LSAMP: variants seen among roughly 807,000 people sequenced by gnomAD.
LSAMP encodes limbic system-associated membrane protein.
A neutral mutation model predicts 38.6 loss-of-function variants in LSAMP; 7 were observed. The observed-to-expected ratio is 0.18, with a 90% CI of 0.10 to 0.34. The LOEUF is 0.34. Among genes scored for constraint, LSAMP ranks in the 10% least tolerant of loss-of-function variants. LSAMP has a pLI of 1.00. For synonymous variants in LSAMP, 154 were observed against 166.8 expected (o/e 0.92, Z 0.59); for missense variants, 313 against 420.0 (o/e 0.75, Z 2.23).
At chr3:116,019,664 AT>A in intron 2 of LSAMP, 24 bp from the exon 3 acceptor site, 1 of 1,606,086 alleles carries the variant, frequency 6.2e-7, no homozygotes, top group Non-Finnish European at 8.5e-7. Flanking sequence ...AGGAAATGGA[AT>A]ATGTAACCAT....
chr3:116,160,060 A>C (rs1709846030), intron 1 of LSAMP, among the ~76,000 whole-genome samples: 1 of 152,168 alleles, frequency 6.6e-6, no homozygotes, highest in Non-Finnish European at 1.5e-5. Context: ...GGAACAACAG[A>C]CACTGGGGCC....
chr3:116,028,984 T>G (rs1159931008), intron 2 of LSAMP, among the ~76,000 whole-genome samples: 21 of 152,124 alleles, frequency 1.4e-4, no homozygotes, highest in Non-Finnish European at 4.4e-5. Context: ...AATGCAAGAA[T>G]ATATACCATG....
At chr3:116,047,226 T>C (rs2107727178) in intron 2 of LSAMP, among the ~76,000 whole-genome samples, 1 of 152,268 alleles carries the variant, frequency 6.6e-6, no homozygotes. Flanking sequence ...TACAATGTCA[T>C]GCATCACAAA....
At chr3:116,283,037 A>C (rs2047147280) in intron 1 of LSAMP, among the ~76,000 whole-genome samples, 1 of 152,118 alleles carries the variant, frequency 6.6e-6, no homozygotes, top group African/African-American at 2.4e-5. Flanking sequence ...TTCTATAAGC[A>C]TCTCCCTGCT....
At chr3:115,880,254 G>C (rs1370978340) in intron 3 of LSAMP, among the ~76,000 whole-genome samples, 4 of 152,048 alleles carry the variant, frequency 2.6e-5, no homozygotes, top group African/African-American at 9.7e-5. Context: ...AACTTGAATG[G>C]AGTGTCTCAG....
chr3:116,357,915 T>TAAAA (rs796503219), intron 1 of LSAMP, among the ~76,000 whole-genome samples: 8 of 131,712 alleles, frequency 6.1e-5, no homozygotes. Flanking sequence ...AACACAGAAT[T>TAAAA]AAAAAAAAAA....
intron 1 of LSAMP, among the ~76,000 whole-genome samples, chr3:116,242,754 G>A (rs2046554209): frequency 6.7e-6 from 1 of 148,640 alleles, no homozygotes; most frequent in African/African-American, 2.5e-5. Context: ...TCTAACTTGA[G>A]TTTTAACATT....
rs950087286 is a variant in LSAMP, at chr3:115,973,461, G to A, written c.514+46054C>T. On this transcript the variant is annotated intron_variant, in intron 3 of 6. Coordinates refer to ENST00000490035, the MANE Select transcript of LSAMP (RefSeq NM_002338.5). ...AAATTAATTTATGTTGGCCAGGCGC[G>A]GTGGCTCACGCCTATAATCCCAGCA... 4.8e-4 allele frequency among the ~76,000 whole-genome samples: 73 copies of A among 152,224 alleles called. 1 individual carries two copies. The highest frequency in any genetic ancestry group is 4.6e-4 in the Admixed American group (7 of 15,278).
chr3:115,902,338 C>CACA (rs969461855), intron 3 of LSAMP, among the ~76,000 whole-genome samples: 50 of 151,900 alleles, frequency 3.3e-4, no homozygotes, highest in African/African-American at 1.1e-3. Flanking sequence ...TAAAAATTAG[C>CACA]ACAACTAAAA....
chr3:116,238,440 C>T (rs528011821), intron 1 of LSAMP, among the ~76,000 whole-genome samples: 5 of 152,300 alleles, frequency 3.3e-5, no homozygotes, highest in South Asian at 2.1e-4. Flanking sequence ...TTGTGATCCA[C>T]ACAAATACCC....
rs117984283 is a variant in LSAMP at position 115,841,958 on chromosome 3, G to T, written c.806C>A (p.Thr269Lys). 1.2e-6 allele frequency: 2 copies of T among 1,613,628 alleles called. No homozygotes were observed. The highest frequency in any genetic ancestry group is 1.1e-5 in the South Asian group (1 of 91,044). Residue 269 changes from threonine (T) to lysine (K), a missense_variant, in exon 6 of 7, where the codon ACG (threonine) becomes AAG (lysine). Coordinates refer to ENST00000490035, the MANE Select transcript of LSAMP (RefSeq NM_002338.5). ...CACCGTCAGGGAAGACTGGCCCTCC[G>T]TGCTCTTAATCTCAAGGCCATTGGC... ...NSANGLEIKS[T>K]EGQSSLTVTN...
intron 1 of LSAMP, among the ~76,000 whole-genome samples, chr3:116,305,701 C>T (rs2047474605): frequency 6.6e-6 from 1 of 151,886 alleles, no homozygotes. Context: ...ATTCTATATC[C>T]ATTTCCAAAT....
At chr3:116,284,297 T>C (rs2047166085) in intron 1 of LSAMP, among the ~76,000 whole-genome samples, 1 of 152,166 alleles carries the variant, frequency 6.6e-6, no homozygotes, top group South Asian at 2.1e-4. Flanking sequence ...CAAAGTTCTA[T>C]GCCAAAAAAT....
intron 6 of LSAMP, among the ~76,000 whole-genome samples, chr3:115,834,318 T>G (rs972028340): frequency 2.6e-5 from 4 of 152,130 alleles, no homozygotes; most frequent in African/African-American, 9.7e-5. Flanking sequence ...CTTGCTGAGT[T>G]TAGTATTGCC....
intron 1 of LSAMP, among the ~76,000 whole-genome samples, chr3:116,113,399 C>CATATATATATAT (rs1257040780): frequency 1.0e-5 from 1 of 96,768 alleles, no homozygotes; most frequent in African/African-American, 4.0e-5. Flanking sequence ...ATATGTTTGC[C>CATATATATATAT]CTATATATAT....
chr3:115,816,517 A>T lies in LSAMP; in HGVS notation c.920-6103T>A, dbSNP rs564119664. ...ATGTGTTATGGAAATTGTTATCACA[A>T]ATTATTCCACTGAAACTCAAGTATA... On this transcript the variant is annotated intron_variant, in intron 6 of 6. Coordinates refer to ENST00000490035, the MANE Select transcript of LSAMP (RefSeq NM_002338.5). 6.0e-5 allele frequency: 41 copies of T among 684,746 alleles called. No homozygotes were observed. The African/African-American group carries it at 7.1e-4, about 12-fold the overall frequency. The allele number at this position is 684,746 out of a possible 1,614,324, so 42.4% of individuals were successfully genotyped here.
At chr3:115,917,871 A>G (rs1937287755) in intron 3 of LSAMP, among the ~76,000 whole-genome samples, 1 of 152,234 alleles carries the variant, frequency 6.6e-6, no homozygotes, top group Non-Finnish European at 1.5e-5. Flanking sequence ...CTGCCTCACC[A>G]ACTTCCATAA....
At chr3:116,232,193 A>G (rs2107628656) in intron 1 of LSAMP, among the ~76,000 whole-genome samples, 1 of 152,290 alleles carries the variant, frequency 6.6e-6, no homozygotes, top group South Asian at 2.1e-4. Context: ...GAGGCTGGAG[A>G]GCCTCCAAAC....
intron 3 of LSAMP, among the ~76,000 whole-genome samples, chr3:115,939,530 C>G (rs943572712): frequency 1.0e-5 from 1 of 99,620 alleles, no homozygotes; most frequent in Non-Finnish European, 2.0e-5. Flanking sequence ...TGTTCTCTTT[C>G]TCTTTCTTTC....
Sources: gnomAD v4.1 joint callset for allele counts (sites outside exome capture counted in the v4.1 genomes callset) on GRCh38, gnomAD v4.1.1 for gene constraint, MANE v1.5 for transcripts, NCBI Gene and HGNC (gene_info 2026-07-23, HGNC 2026-07-21) for gene names.